The following PPP2R2B variants were observed in gnomAD, a reference collection of about 807,000 sequenced individuals.
The protein encoded by PPP2R2B is serine/threonine-protein phosphatase 2A 55 kDa regulatory subunit B beta isoform.
PPP2R2B carries 5 observed loss-of-function variants against 46.0 expected under a neutral mutation model. The observed-to-expected ratio is 0.11, with a 90% CI of 0.06 to 0.23. The LOEUF (loss-of-function observed/expected upper bound fraction) is 0.23. Among genes scored for constraint, PPP2R2B ranks in the 10% least tolerant of loss-of-function variants. The pLI is 1.00. For missense variants in PPP2R2B, 367 were observed against 575.0 expected, an observed-to-expected ratio of 0.64 and a Z score of 3.70; for synonymous variants, 215 against 206.7, an observed-to-expected ratio of 1.04 and a Z score of -0.34.
rs1289633168 is a variant in PPP2R2B at position 146,581,710 on chromosome 5, T to C, written c.*8237A>G. 6.6e-6 allele frequency: 1 copy of C among 152,240 alleles called. No homozygotes were observed. Among genetic ancestry groups the C allele is most frequent in the African/African-American group, 2.4e-5 (1 of 41,466 alleles). The allele number at this position is 152,240 out of a possible 1,614,324, so 9.4% of individuals were successfully genotyped here. On this transcript the variant is annotated 3_prime_UTR_variant, in exon 10 of 10. Transcript: ENST00000394411. ...TGTATTTCAGATCAGTTCTGTATTG[T>C]GGCTTGTATGTAATATGACTCACTT...
chr5:146,673,483 AT>A (rs10707394), intron 5 of PPP2R2B, among the ~76,000 whole-genome samples: 116,570 of 151,704 alleles, frequency 0.77, 46,172 homozygotes, highest in Non-Finnish European at 0.86. Context: ...TATTTAGAAG[AT>A]TTTTTTTTTA....
At chr5:146,883,402 CAT>C (rs1450224648), upstream of PPP2R2B, among the ~76,000 whole-genome samples, 4 of 152,184 alleles carry the variant, frequency 2.6e-5, no homozygotes, top group Non-Finnish European at 5.9e-5. Flanking sequence ...GTCAATTGTT[CAT>C]GTGAACAGAA....
At chr5:146,983,809 A>G (rs992769781) in intron 1 of PPP2R2B, among the ~76,000 whole-genome samples, 6 of 151,922 alleles carry the variant, frequency 3.9e-5, no homozygotes, top group Non-Finnish European at 5.9e-5. Flanking sequence ...TCATAAGGTA[A>G]GATTTCTTCT....
intron 1 of PPP2R2B, among the ~76,000 whole-genome samples, chr5:146,893,798 T>C (rs1481156538): frequency 6.7e-6 from 1 of 150,024 alleles, no homozygotes; most frequent in Non-Finnish European, 1.5e-5. Context: ...GGTTGATAGG[T>C]GCAGCAAACC....
intron 2 of PPP2R2B, among the ~76,000 whole-genome samples, chr5:146,819,194 A>G (rs575693024): frequency 6.6e-6 from 1 of 152,314 alleles, no homozygotes; most frequent in South Asian, 2.1e-4. Flanking sequence ...ATCTGAGCTG[A>G]TTCATCACTT....
At chr5:146,793,151 G>T (rs764251811) in intron 2 of PPP2R2B, among the ~76,000 whole-genome samples, 2 of 152,206 alleles carry the variant, frequency 1.3e-5, no homozygotes, top group Non-Finnish European at 2.9e-5. Context: ...ATTGCATGTG[G>T]AGTGTGAATA....
At chr5:146,836,299 C>T (rs2151359839) in intron 2 of PPP2R2B, among the ~76,000 whole-genome samples, 1 of 152,314 alleles carries the variant, frequency 6.6e-6, no homozygotes, top group East Asian at 1.9e-4. Flanking sequence ...AGTATAAACT[C>T]CTGGGAAACC....
Position 147,080,227 on chromosome 5 carries a change from A to G in PPP2R2B, c.50+832T>C, listed in dbSNP as rs139451726. Among the ~76,000 whole-genome samples, 787 of 152,328 alleles carry G rather than the reference A, an allele frequency of 5.2e-3. 4 individuals carry two copies. The highest frequency in any genetic ancestry group is 0.02 in the Middle Eastern group (6 of 294). ...CATTTATGCATGTTAGTTTGAGTAT[A>G]GTGTTCAATCCTGTCAACTGTTCAC... On this transcript the variant is annotated intron_variant, in intron 2 of 10. Transcript: ENST00000394413.
intron 2 of PPP2R2B, among the ~76,000 whole-genome samples, chr5:146,840,214 TGA>T (rs911654686): frequency 3.3e-5 from 5 of 152,152 alleles, no homozygotes; most frequent in African/African-American, 1.2e-4. Context: ...GCTGCCTGAT[TGA>T]GTTCCCTTGA....
At chr5:146,867,480 G>A (rs957894284) in intron 2 of PPP2R2B, among the ~76,000 whole-genome samples, 2 of 152,178 alleles carry the variant, frequency 1.3e-5, no homozygotes, top group Admixed American at 1.3e-4. Flanking sequence ...AATGCATGGA[G>A]TAGAGAGGGA....
intron 1 of PPP2R2B, among the ~76,000 whole-genome samples, chr5:146,895,435 T>C (rs1762615453): frequency 6.6e-6 from 1 of 152,232 alleles, no homozygotes; most frequent in Non-Finnish European, 1.5e-5. Context: ...GAAAGAATCA[T>C]GTCTGTTTTT....
At chr5:146,672,933 A>G (rs322986) in intron 5 of PPP2R2B, among the ~76,000 whole-genome samples, 111,236 of 152,112 alleles carry the variant, frequency 0.73, 42,996 homozygotes, top group Non-Finnish European at 0.86. Flanking sequence ...ATCCTGAGAT[A>G]TGACACCAAA....
intron 1 of PPP2R2B, among the ~76,000 whole-genome samples, chr5:146,928,375 A>C (rs972855624): frequency 6.6e-6 from 1 of 151,774 alleles, no homozygotes; most frequent in Non-Finnish European, 1.5e-5. Flanking sequence ...CCATACCCAA[A>C]ACTGAACTGT....
chr5:146,609,617 C>T (rs1281956732), intron 7 of PPP2R2B, among the ~76,000 whole-genome samples: 1 of 149,340 alleles, frequency 6.7e-6, no homozygotes, highest in African/African-American at 2.5e-5. Context: ...AGACAGTGGG[C>T]GCAGGCCAGT....
chr5:146,710,951 A>G (rs1190361026), intron 2 of PPP2R2B, among the ~76,000 whole-genome samples: 2 of 152,158 alleles, frequency 1.3e-5, no homozygotes, highest in African/African-American at 2.4e-5. Context: ...GGAAGCTAAA[A>G]TTCCCCATAT....
intron 1 of PPP2R2B, among the ~76,000 whole-genome samples, chr5:146,985,329 A>G (rs1753377654): frequency 6.6e-6 from 1 of 152,022 alleles, no homozygotes; most frequent in Admixed American, 6.6e-5. Flanking sequence ...TTAGTTTGCA[A>G]ATATTTTCTT....
chr5:146,743,147 G>A (rs2151223491), intron 2 of PPP2R2B, among the ~76,000 whole-genome samples: 1 of 152,308 alleles, frequency 6.6e-6, no homozygotes, highest in East Asian at 1.9e-4. Flanking sequence ...CCTATGGTAA[G>A]CACTTTGCTT....
intron 2 of PPP2R2B, chr5:146,706,342 G>GT (rs1163722488): frequency 1.7e-6 from 1 of 587,804 alleles, no homozygotes; most frequent in African/African-American, 1.9e-5. Flanking sequence ...AGCTCAGGCC[G>GT]TAGCTGAGGC....
chr5:146,911,085 TTTC>T (rs1418234793), intron 1 of PPP2R2B, among the ~76,000 whole-genome samples: 1 of 108,566 alleles, frequency 9.2e-6, no homozygotes, highest in Non-Finnish European at 1.7e-5. Context: ...TGTTAGACAC[TTTC>T]TTTTTTTTTT....
Sources: allele counts gnomAD v4.1 joint callset (sites outside exome capture counted in the v4.1 genomes callset), GRCh38; gene constraint gnomAD v4.1.1; transcripts MANE v1.5; gene names NCBI Gene and HGNC (gene_info 2026-07-23, HGNC 2026-07-21).